The following MYO9A variants were observed in gnomAD, a reference collection of about 807,000 sequenced individuals.
MYO9A encodes the protein myosin IXA.
MYO9A carries 103 observed loss-of-function variants against 293.3 expected under a neutral mutation model. That is an observed-to-expected ratio of 0.35 (90% confidence interval 0.30 to 0.41). The LOEUF (loss-of-function observed/expected upper bound fraction) is 0.41, where lower values mean the gene tolerates loss of function less well. Ranked by LOEUF, MYO9A falls within the 10% of genes least tolerant of loss-of-function variation. The probability of loss-of-function intolerance (pLI) is 1.00; values close to 1 mark genes in which losing one functional copy is unlikely to be tolerated. For synonymous variants in MYO9A, 1,001 were observed against 1,035.7 expected, an observed-to-expected ratio of 0.97 and a Z score of 0.64; for missense variants, 2,685 against 3,033.0, an observed-to-expected ratio of 0.89 and a Z score of 2.69.
chr15:71,947,588 G>A, intron 15 of MYO9A, among the ~76,000 whole-genome samples: 1 of 152,094 alleles, frequency 6.6e-6, no homozygotes, highest in South Asian at 2.1e-4. Context: ...GGGTTTCCCA[G>A]ATATATCTGT....
chr15:72,097,335 G>A (rs907994431), intron 1 of MYO9A, among the ~76,000 whole-genome samples: 2 of 152,100 alleles, frequency 1.3e-5, no homozygotes, highest in African/African-American at 4.8e-5. Context: ...ACCTCCACCA[G>A]CAAAAAGATT....
At position 72,001,215 on chromosome 15, in the gene MYO9A, A is replaced by G. The variant is rs79837006; in HGVS notation, c.1381-1275T>C. ...AGTATCCATACATAATAAAAACATA[A>G]CATTCATAAATGTAGGCAATATAAA... On this transcript the variant is annotated intron_variant, in intron 8 of 41. Coordinates refer to ENST00000356056, the MANE Select transcript of MYO9A (RefSeq NM_006901.4). Among the ~76,000 whole-genome samples, 577 of 152,274 alleles carry G rather than the reference A, an allele frequency of 3.8e-3. 3 individuals are homozygous for G. Among genetic ancestry groups the G allele is most frequent in the Middle Eastern group, 0.01 (3 of 294 alleles).
intron 6 of MYO9A, among the ~76,000 whole-genome samples, chr15:72,017,556 T>C (rs1019593737): frequency 1.3e-5 from 2 of 152,178 alleles, no homozygotes; most frequent in Admixed American, 1.3e-4. Flanking sequence ...TCTATAAATT[T>C]ATATGTCAAG....
chr15:71,948,526 A>G (rs1217164360), intron 15 of MYO9A, among the ~76,000 whole-genome samples: 1 of 152,164 alleles, frequency 6.6e-6, no homozygotes, highest in East Asian at 1.9e-4. Flanking sequence ...AGCTAAACTC[A>G]TTTATTTATG....
intron 1 of MYO9A, among the ~76,000 whole-genome samples, chr15:72,051,439 T>G (rs2078560560): frequency 6.6e-6 from 1 of 151,954 alleles, no homozygotes; most frequent in African/African-American, 2.4e-5. Context: ...ACTGTGCTCT[T>G]GGGGGATGGG....
intron 8 of MYO9A, among the ~76,000 whole-genome samples, chr15:72,001,507 C>G (rs1226479102): frequency 1.4e-5 from 2 of 144,282 alleles, no homozygotes; most frequent in Non-Finnish European, 3.0e-5. Flanking sequence ...TGAGCCGAGA[C>G]CACACCACTG....
chr15:72,047,206 T>C (rs1278863282), intron 1 of MYO9A, among the ~76,000 whole-genome samples: 1 of 152,238 alleles, frequency 6.6e-6, no homozygotes, highest in African/African-American at 2.4e-5. Flanking sequence ...TTCTAGGCTC[T>C]GACTCACTCC....
intron 12 of MYO9A, 133 bp from the exon 13 acceptor site, chr15:71,968,258 T>C (rs1347999842): frequency 1.6e-6 from 1 of 644,350 alleles, no homozygotes; most frequent in Non-Finnish European, 2.4e-6. Flanking sequence ...TTTTCACCTA[T>C]ATTATCTAAC....
chr15:71,932,369 C>T (rs371220666), intron 18 of MYO9A, among the ~76,000 whole-genome samples: 18 of 152,058 alleles, frequency 1.2e-4, no homozygotes, highest in South Asian at 4.2e-4. Flanking sequence ...AAGGTTAAGG[C>T]GGCTATCCCT....
At chr15:72,091,644 C>T (rs966503925) in intron 1 of MYO9A, among the ~76,000 whole-genome samples, 3 of 152,048 alleles carry the variant, frequency 2.0e-5, no homozygotes, top group African/African-American at 7.2e-5. Flanking sequence ...AATAACATGG[C>T]CAATTACACA....
chr15:72,073,655 A>C (rs553844131), intron 1 of MYO9A, among the ~76,000 whole-genome samples: 3 of 152,336 alleles, frequency 2.0e-5, no homozygotes, highest in Admixed American at 6.5e-5. Context: ...TAAAAACAGA[A>C]ACCTAGCACT....
In MYO9A at chr15:71,830,007, T is replaced by G. The variant is rs369227539; in HGVS notation, c.7040+102A>C. The G allele has an allele frequency of 6.7e-5, 80 of 1,185,352 alleles. No individual in the cohort carries two copies. The Middle Eastern group carries it at 8.0e-4, about 12-fold the overall frequency. The allele number at this position is 1,185,352 out of a possible 1,614,324, so 73.4% of individuals were successfully genotyped here. A position where few individuals can be genotyped will look rare whatever the true frequency, so the allele number is the denominator to read the frequency against. On this transcript the variant is annotated intron_variant, in intron 40 of 41. Transcript: ENST00000356056. ...CTCCTGTATCATCTGACACAGTGTT[T>G]AACACACAGGAGATAATAAATAAGA...
chr15:71,928,058 T>TATATA (rs2058373166), intron 18 of MYO9A, among the ~76,000 whole-genome samples: 5 of 3,718 alleles, frequency 1.3e-3, no homozygotes, highest in African/African-American at 1.8e-3. Flanking sequence ...ATATATATAT[T>TATATA]TTTTTTTTTT....
intron 15 of MYO9A, among the ~76,000 whole-genome samples, chr15:71,944,833 T>C (rs1345876921): frequency 6.6e-6 from 1 of 152,198 alleles, no homozygotes; most frequent in African/African-American, 2.4e-5. Flanking sequence ...CATTTCTCTA[T>C]AAAGTTTAGA....
intron 1 of MYO9A, among the ~76,000 whole-genome samples, chr15:72,108,876 C>T (rs2080672015): frequency 6.6e-6 from 1 of 151,316 alleles, no homozygotes; most frequent in Non-Finnish European, 1.5e-5. Flanking sequence ...GATTCTCCTG[C>T]CTCAGTCTCC....
intron 39 of MYO9A, among the ~76,000 whole-genome samples, chr15:71,847,629 T>C (rs986834081): frequency 6.6e-6 from 1 of 152,204 alleles, no homozygotes; most frequent in Non-Finnish European, 1.5e-5. Flanking sequence ...AGTAGGTTTA[T>C]AGCAAAAGGC....
rs141157552 is a variant in MYO9A at position 72,043,638 on chromosome 15, T to C, written c.840+2086A>G. ...TTTATATAAAATGGTAGAAAATGCA[T>C]ACTAATCTACAGTGACAGAAAGCAC... On this transcript the variant is annotated intron_variant, in intron 2 of 41. Transcript: ENST00000356056. 5.9e-5 allele frequency among the ~76,000 whole-genome samples: 9 copies of C among 152,268 alleles called. No individual in the cohort carries two copies. In the East Asian group the frequency reaches 1.7e-3, roughly 29 times the overall value.
chr15:72,103,266 GGCAGCAGCAGAAGCAGCAGCAAGCA>G (rs1357960843), intron 1 of MYO9A, among the ~76,000 whole-genome samples: 8 of 134,008 alleles, frequency 6.0e-5, no homozygotes, highest in African/African-American at 1.4e-4. Flanking sequence ...GAGAAGCAGA[GGCAGCAGCAGAAGCAGCAGCAAGCA>G]GCAGCAGCAG....
chr15:72,105,408 G>A (rs1211945544), intron 1 of MYO9A, among the ~76,000 whole-genome samples: 1 of 151,588 alleles, frequency 6.6e-6, no homozygotes, highest in African/African-American at 2.4e-5. Flanking sequence ...GTTTGTTTTG[G>A]TAGAGACAGG....
Sources: allele counts gnomAD v4.1 joint callset (sites outside exome capture counted in the v4.1 genomes callset), GRCh38; gene constraint gnomAD v4.1.1; transcripts MANE v1.5; gene names NCBI Gene and HGNC (gene_info 2026-07-23, HGNC 2026-07-21).